CDH18: variants seen among roughly 807,000 people sequenced by gnomAD.
CDH18 encodes cadherin-18.
Under a neutral mutation model 67.9 loss-of-function variants are expected in CDH18, and 31 were observed. That is an observed-to-expected ratio of 0.46 (90% CI 0.34 to 0.62). The LOEUF (loss-of-function observed/expected upper bound fraction) is 0.62, where lower values mean the gene tolerates loss of function less well. Ranked by LOEUF, CDH18 falls within the 20% of genes least tolerant of loss-of-function variation. The pLI is 0.01. For synonymous variants in CDH18, 362 were observed against 347.2 expected (o/e 1.04, Z -0.48); for missense variants, 890 against 975.5 (o/e 0.91, Z 1.17).
intron 1 of CDH18, among the ~76,000 whole-genome samples, chr5:20,552,824 C>T (rs528226214): frequency 7.9e-5 from 12 of 151,252 alleles, no homozygotes; most frequent in Admixed American, 1.3e-4. Flanking sequence ...CGTGTGATCT[C>T]GGCTCACCGC....
chr5:19,862,502 A>G (rs1785013659), intron 2 of CDH18, among the ~76,000 whole-genome samples: 1 of 152,180 alleles, frequency 6.6e-6, no homozygotes, highest in Non-Finnish European at 1.5e-5. Context: ...ATCCCACCAG[A>G]GGTAAAATCG....
intron 1 of CDH18, among the ~76,000 whole-genome samples, chr5:20,261,521 A>T (rs1000856617): frequency 6.6e-6 from 1 of 152,116 alleles, no homozygotes; most frequent in Non-Finnish European, 1.5e-5. Flanking sequence ...CGGGCAGATC[A>T]CGAGGTCAGG....
At chr5:19,490,456 G>C (rs1490986514) in intron 11 of CDH18, among the ~76,000 whole-genome samples, 2 of 129,802 alleles carry the variant, frequency 1.5e-5, no homozygotes, top group Non-Finnish European at 3.1e-5. Flanking sequence ...CACCAGGCTG[G>C]GGCACTGGAG....
chr5:19,919,041 T>A (rs1792145721), intron 2 of CDH18, among the ~76,000 whole-genome samples: 1 of 151,860 alleles, frequency 6.6e-6, no homozygotes, highest in African/African-American at 2.4e-5. Flanking sequence ...ATTGAGTAAA[T>A]CACTAATGGC....
At chr5:20,377,516 T>C (rs1253680292) in intron 1 of CDH18, among the ~76,000 whole-genome samples, 1 of 152,304 alleles carries the variant, frequency 6.6e-6, no homozygotes, top group African/African-American at 2.4e-5. Flanking sequence ...TCTCAAGTAC[T>C]GTTATTCGAA....
At chr5:20,225,282 G>C (rs1009942714) in intron 2 of CDH18, among the ~76,000 whole-genome samples, 22 of 152,058 alleles carry the variant, frequency 1.4e-4, no homozygotes, top group African/African-American at 5.1e-4. Context: ...TACTGAAGGA[G>C]AACAATATTG....
At position 19,472,149 on chromosome 5, in the gene CDH18, G is replaced by T. The variant is rs1171142702; in HGVS notation, c.*1077C>A. Among the ~76,000 whole-genome samples, 1 of 152,144 alleles carries T rather than the reference G, an allele frequency of 6.6e-6. No individual in the cohort carries two copies. The highest frequency in any genetic ancestry group is 1.5e-5 in the Non-Finnish European group (1 of 68,028). On this transcript the variant is annotated 3_prime_UTR_variant, in exon 13 of 13. Coordinates refer to ENST00000382275, the MANE Select transcript of CDH18 (RefSeq NM_004934.5). ...ATCTGAAACTGTGTAAGGAATAAAT[G>T]TAAGTCAACTATGATTCTATGACAT...
At chr5:20,214,411 G>A (rs1740597324) in intron 2 of CDH18, among the ~76,000 whole-genome samples, 1 of 151,986 alleles carries the variant, frequency 6.6e-6, no homozygotes, top group Non-Finnish European at 1.5e-5. Flanking sequence ...AACAGAGCTG[G>A]AGGAATCATG....
At chr5:19,837,407 A>T (rs1018432724) in intron 3 of CDH18, among the ~76,000 whole-genome samples, 3 of 151,718 alleles carry the variant, frequency 2.0e-5, no homozygotes, top group Admixed American at 6.6e-5. Context: ...TAAAGGTATA[A>T]TTTTTTTAAA....
At chr5:19,734,800 GTGGTTTCTTTTTGAAATATTTA>G in intron 4 of CDH18, among the ~76,000 whole-genome samples, 1 of 152,148 alleles carries the variant, frequency 6.6e-6, no homozygotes, top group Non-Finnish European at 1.5e-5. Context: ...TCTTATTATT[GTGGTTTCTTTTTGAAATATTTA>G]TGGTTTCTTT....
At chr5:20,205,769 G>C (rs1307279392) in intron 2 of CDH18, among the ~76,000 whole-genome samples, 1 of 151,854 alleles carries the variant, frequency 6.6e-6, no homozygotes, top group Non-Finnish European at 1.5e-5. Context: ...TGACTAACAT[G>C]TGAATGAAGA....
upstream of CDH18, among the ~76,000 whole-genome samples, chr5:19,990,248 A>T (rs1436789352): frequency 6.6e-6 from 1 of 152,216 alleles, no homozygotes; most frequent in Non-Finnish European, 1.5e-5. Flanking sequence ...TCACGTTATG[A>T]CATTCTCTAG....
chr5:20,015,146 T>C (rs990313306), intron 2 of CDH18, among the ~76,000 whole-genome samples: 45 of 152,146 alleles, frequency 3.0e-4, no homozygotes, highest in African/African-American at 9.2e-4. Context: ...TTGCGTGCCA[T>C]GTTGATTACA....
chr5:20,329,011 C>T (rs1274732407), intron 1 of CDH18, among the ~76,000 whole-genome samples: 4 of 152,140 alleles, frequency 2.6e-5, no homozygotes, highest in East Asian at 3.9e-4. Flanking sequence ...ACCAATTTTG[C>T]GACTATTAAA....
chr5:19,645,045 T>C (rs1400612543), intron 5 of CDH18, among the ~76,000 whole-genome samples: 1 of 152,224 alleles, frequency 6.6e-6, no homozygotes, highest in Non-Finnish European at 1.5e-5. Context: ...TAGCAATGCC[T>C]TCATAGTATT....
intron 5 of CDH18, among the ~76,000 whole-genome samples, chr5:19,627,770 C>T (rs1751776322): frequency 6.6e-6 from 1 of 151,954 alleles, no homozygotes; most frequent in Non-Finnish European, 1.5e-5. Context: ...GAGGTCTAGG[C>T]AAAAAAGAAT....
At chr5:19,531,163 T>G (rs1045205992) in intron 9 of CDH18, among the ~76,000 whole-genome samples, 2 of 152,130 alleles carry the variant, frequency 1.3e-5, no homozygotes, top group African/African-American at 4.8e-5. Flanking sequence ...ACAGCGTTCA[T>G]TAAGAAAATG....
intron 2 of CDH18, among the ~76,000 whole-genome samples, chr5:19,852,472 T>G (rs2149932947): frequency 6.6e-6 from 1 of 152,122 alleles, no homozygotes; most frequent in South Asian, 2.1e-4. Flanking sequence ...AAGCATTCGC[T>G]TGTAGGTCTG....
intron 1 of CDH18, among the ~76,000 whole-genome samples, chr5:20,347,861 C>A (rs1017325638): frequency 3.3e-5 from 5 of 152,148 alleles, no homozygotes; most frequent in African/African-American, 9.7e-5. Context: ...TTCCTGGCTT[C>A]TGCCACATAA....
Sources: gnomAD v4.1 joint callset for allele counts (sites outside exome capture counted in the v4.1 genomes callset) on GRCh38, gnomAD v4.1.1 for gene constraint, MANE v1.5 for transcripts, NCBI Gene and HGNC (gene_info 2026-07-23, HGNC 2026-07-21) for gene names.